SLC27A4: variants seen among roughly 807,000 people sequenced by gnomAD.
SLC27A4 encodes the protein long-chain fatty acid transport protein 4.
Under a neutral mutation model 64.4 loss-of-function variants are expected in SLC27A4, and 33 were observed. The ratio of observed to expected loss-of-function variants is 0.51; its 90% CI spans 0.39 to 0.68. SLC27A4 has a LOEUF of 0.68. SLC27A4 is among the 30% of genes least tolerant of loss of function. The pLI, the probability that SLC27A4 is intolerant of heterozygous loss-of-function variation, is 0.00. For missense variants in SLC27A4, 824 were observed against 883.5 expected (o/e 0.93, Z 0.85); for synonymous variants, 377 against 370.0 (o/e 1.02, Z -0.22).
chr9:128,356,346 G>C (rs1436938366), intron 12 of SLC27A4, among the ~76,000 whole-genome samples: 1 of 152,216 alleles, frequency 6.6e-6, no homozygotes, highest in African/African-American at 2.4e-5. Flanking sequence ...AGGAGCTTGG[G>C]TGCTGGAGGA....
intron 2 of SLC27A4, among the ~76,000 whole-genome samples, chr9:128,344,632 A>T (rs1832626158): frequency 6.6e-6 from 1 of 152,240 alleles, no homozygotes; most frequent in South Asian, 2.1e-4. Context: ...AGAGTGTTGA[A>T]TAAGACAGAA....
rs1361013060 is a variant in SLC27A4, at chr9:128,355,542, T to C, written c.1607T>C (p.Val536Ala). Reference sequence around the variant, plus strand: ...CTGCTGGACATGGCTGACGTGGCCGTGTATGGTGTCGAGGTGCCAGGTATG... The same window carrying C: ...CTGCTGGACATGGCTGACGTGGCCGCGTATGGTGTCGAGGTGCCAGGTATG... ...SRLLDMADVAVYGVEVPGTEG... is the reference protein window; with the variant it reads ...SRLLDMADVAAYGVEVPGTEG... The change falls in exon 11 of 13, where the codon GTG becomes GCG. Residue 536 changes from valine (V) to alanine (A), a missense_variant. Transcript: ENST00000300456. 6.2e-7 allele frequency: 1 copy of C among 1,611,640 alleles called. No homozygotes were observed. The highest frequency in any genetic ancestry group is 8.5e-7 in the Non-Finnish European group (1 of 1,179,990).
rs1294267848 is a variant in SLC27A4, at chr9:128,355,405, G to A, written c.1470G>A (p.Val490=). ...CATCCGGCCCCTCCCTAGGTGATGTGCTGGTGATGGACGAGCTGGGCTACC... is the reference window on the plus strand; with the variant it reads ...CATCCGGCCCCTCCCTAGGTGATGTACTGGTGATGGACGAGCTGGGCTACC... ...KGDQAYLTGD[V]LVMDELGYLY... Residue 490 remains valine (V), a synonymous_variant, in exon 11 of 13, where the codon GTG becomes GTA. Coordinates refer to ENST00000300456, the MANE Select transcript of SLC27A4 (RefSeq NM_005094.4). 1 of 1,613,550 alleles carries A rather than the reference G, an allele frequency of 6.2e-7. No individual in the cohort carries two copies. Among genetic ancestry groups the A allele is most frequent in the Non-Finnish European group, 8.5e-7 (1 of 1,180,030 alleles).
chr9:128,355,507 ACT>A lies in SLC27A4; in HGVS notation c.1574_1575del (p.Leu525GlnfsTer8). ...TGTCCACCACCGAGGTGGAAGGCAC[ACT>A]CAGCCGCCTGCTGGACATGGCTGAC... ...NVSTTEVEGT[L>X]SRLLDMADVA... On this transcript the variant is annotated frameshift_variant, in exon 11 of 13. Coordinates refer to ENST00000300456, the MANE Select transcript of SLC27A4 (RefSeq NM_005094.4). LOFTEE classifies it high-confidence loss of function. 1 of 1,613,188 alleles carries A rather than the reference ACT, an allele frequency of 6.2e-7. No individual in the cohort carries two copies. Among genetic ancestry groups the A allele is most frequent in the Admixed American group, 1.7e-5 (1 of 60,018 alleles).
intron 2 of SLC27A4, 148 bp downstream of exon 2, chr9:128,343,441 G>A (rs927782287): frequency 1.9e-4 from 172 of 889,860 alleles, no homozygotes; most frequent in Middle Eastern, 2.6e-4. Context: ...CTCCACACCC[G>A]TACCCTGGCA....
chr9:128,348,751 A>G, intron 4 of SLC27A4, 48 bp downstream of exon 4: 1 of 1,593,968 alleles, frequency 6.3e-7, no homozygotes, highest in Non-Finnish European at 8.6e-7. Flanking sequence ...CAGGCCCTGG[A>G]CAGAGCACTG....
At chr9:128,351,716 C>CA (rs1832739447) in intron 6 of SLC27A4, among the ~76,000 whole-genome samples, 1 of 151,820 alleles carries the variant, frequency 6.6e-6, no homozygotes, top group Admixed American at 6.6e-5. Context: ...GACTCTGTCT[C>CA]AAAATAAATA....
At position 128,347,019 on chromosome 9, in the gene SLC27A4, T is replaced by C. The variant is rs577777610; in HGVS notation, c.556+1470T>C. 9.7e-4 allele frequency among the ~76,000 whole-genome samples: 147 copies of C among 152,112 alleles called. 4 individuals carry two copies. In the South Asian group the frequency reaches 0.02, roughly 20 times the overall value. On this transcript the variant is annotated intron_variant, in intron 3 of 12. Transcript: ENST00000300456. Reference sequence around the variant, plus strand: ...GGTTACGTGTCAAAAAAAAAGATACTTACCTGAAGCACTAGCAACATGGCT... The same window carrying C: ...GGTTACGTGTCAAAAAAAAAGATACCTACCTGAAGCACTAGCAACATGGCT...
rs768667680 is a variant in SLC27A4, at chr9:128,343,127, G to C, written c.-6G>C. ...TCCACTAACTGCCCTGTGTCCGCAG[G>C]CCACAATGCTGCTTGGAGCCTCTCT... is the stretch of plus-strand genomic sequence containing the variant. On this transcript the variant is annotated splice_region_variant and 5_prime_UTR_variant, in exon 2 of 13. Coordinates refer to ENST00000300456, the MANE Select transcript of SLC27A4 (RefSeq NM_005094.4). The C allele has an allele frequency of 3.7e-6, 6 of 1,613,284 alleles. No homozygotes were observed. The highest frequency in any genetic ancestry group is 1.3e-5 in the African/African-American group (1 of 75,012).
intron 3 of SLC27A4, among the ~76,000 whole-genome samples, chr9:128,346,211 A>G (rs1832654231): frequency 6.7e-6 from 1 of 148,732 alleles, no homozygotes. Context: ...TACTAAAAAA[A>G]GTTTTTTGTT....
At chr9:128,342,925 C>T (rs974844357) in intron 1 of SLC27A4, among the ~76,000 whole-genome samples, 26 of 152,130 alleles carry the variant, frequency 1.7e-4, no homozygotes, top group African/African-American at 6.0e-4. Flanking sequence ...TGGAATTCCT[C>T]ACCTCAAGTG....
At position 128,340,693 on chromosome 9, in the gene SLC27A4, C is replaced by T. The variant is rs1244087996; in HGVS notation, c.-152C>T. Reference sequence around the variant, plus strand: ...GCGGCGGGCGGGGCTGGCGGGGCGGCCGGGCCATGCAGGGCGCAGAGCCGG... The same window carrying T: ...GCGGCGGGCGGGGCTGGCGGGGCGGTCGGGCCATGCAGGGCGCAGAGCCGG... On this transcript the variant is annotated 5_prime_UTR_variant, in exon 1 of 13. Transcript: ENST00000300456. 2 of 406,970 alleles carry T rather than the reference C, an allele frequency of 4.9e-6. No homozygotes were observed. The highest frequency in any genetic ancestry group is 3.7e-5 in the East Asian group (1 of 26,684). 25.2% of individuals were successfully genotyped at this position (406,970 alleles called of 1,614,324 possible). A position where few individuals can be genotyped will look rare whatever the true frequency, so the allele number is the denominator to read the frequency against.
chr9:128,358,799 C>T (rs1241017007), intron 12 of SLC27A4, among the ~76,000 whole-genome samples: 6 of 152,150 alleles, frequency 3.9e-5, no homozygotes, highest in Non-Finnish European at 8.8e-5. Flanking sequence ...TGGACGGCGC[C>T]GGTCTGGGCC....
At position 128,352,747 on chromosome 9, in the gene SLC27A4, G is replaced by A. The variant is rs765973155; in HGVS notation, c.987G>A (p.Thr329=). 12 of 1,608,642 alleles carry A rather than the reference G, an allele frequency of 7.5e-6. No homozygotes were observed. The highest frequency in any genetic ancestry group is 3.3e-4 in the Middle Eastern group (2 of 6,052). The change falls in exon 7 of 13, where the codon ACG becomes ACA. Residue 329 remains threonine (T), a splice_region_variant and synonymous_variant. Transcript: ENST00000300456. ...ACGATTGTATCAAGTACAACTGCAC[G>A]GTGAGCGAGAGCGGGAAGGGTGAGC... ...FWDDCIKYNC[T]IVQYIGELCR...
Position 128,353,249 on chromosome 9 carries a change from G to T in SLC27A4, c.1197+15G>T. ...TCGACAGCCAGGTGCGGCCAGGTTG[G>T]GGATGGGCGAGGCTGCTGCAGGGAT... On this transcript the variant is annotated intron_variant, in intron 8 of 12. Transcript: ENST00000300456. The surrounding 1 kb of genome is among the most constrained non-coding windows in gnomAD (Gnocchi z 4.9). 1 of 1,613,574 alleles carries T rather than the reference G, an allele frequency of 6.2e-7. No homozygotes were observed. The highest frequency in any genetic ancestry group is 8.5e-7 in the Non-Finnish European group (1 of 1,179,870).
rs111631072 is a variant in SLC27A4 at position 128,351,809 on chromosome 9, T to A, written c.878-829T>A. ...TGCACATGCCTATGGTCTCAGCTAC[T>A]GGGAAGGCTGAGACAGGAGAATCAC... is the stretch of plus-strand genomic sequence containing the variant. On this transcript the variant is annotated intron_variant, in intron 6 of 12. Coordinates refer to ENST00000300456, the MANE Select transcript of SLC27A4 (RefSeq NM_005094.4). 6.9e-3 allele frequency among the ~76,000 whole-genome samples: 1,049 copies of A among 151,894 alleles called. 17 individuals carry two copies. The highest frequency in any genetic ancestry group is 0.024 in the African/African-American group (1,002 of 41,430).
chr9:128,342,191 GC>G (rs773910889), intron 1 of SLC27A4: 56 of 1,536,998 alleles, frequency 3.6e-5, no homozygotes, highest in Non-Finnish European at 4.1e-5. Flanking sequence ...ACCAGACTTC[GC>G]TCGTTCTCGC....
At chr9:128,358,713 C>T (rs1832855907) in intron 12 of SLC27A4, among the ~76,000 whole-genome samples, 1 of 152,224 alleles carries the variant, frequency 6.6e-6, no homozygotes. Flanking sequence ...TCCCAAAGTG[C>T]CGGGATTACA....
chr9:128,353,463 A>G lies in SLC27A4; in HGVS notation c.1246A>G (p.Ile416Val). The G allele has an allele frequency of 1.2e-6, 2 of 1,614,090 alleles. No homozygotes were observed. Among genetic ancestry groups the G allele is most frequent in the African/African-American group, 1.3e-5 (1 of 75,002 alleles). Residue 416 changes from isoleucine to valine, a missense_variant, in exon 9 of 13, where the codon ATC becomes GTC. Physicochemically the swap from Ile to Val is conservative, Grantham distance 29. Transcript: ENST00000300456. The surrounding 1 kb of genome is among the most constrained non-coding windows in gnomAD (Gnocchi z 4.9). The part of the protein sequence containing the change: ...NSRILSFVYP[I>V]RLVRVNEDTM... The stretch of plus-strand genomic sequence containing the variant: ...CCGCATCCTGTCCTTCGTGTACCCC[A>G]TCCGGTTGGTACGTGTCAACGAGGA...
Sources: gnomAD v4.1 joint callset for allele counts (sites outside exome capture counted in the v4.1 genomes callset) on GRCh38, gnomAD v4.1.1 for gene constraint, Gnocchi (gnomAD v3.1) non-coding constraint, MANE v1.5 for transcripts, NCBI Gene and HGNC (gene_info 2026-07-23, HGNC 2026-07-21) for gene names.